EYS: variants seen among roughly 807,000 people sequenced by gnomAD.
The protein encoded by EYS is protein eyes shut homolog.
EYS carries 250 observed loss-of-function variants against 282.1 expected under a neutral mutation model. The ratio of observed to expected loss-of-function variants is 0.89; its 90% CI spans 0.80 to 0.98. EYS has a LOEUF of 0.98. EYS is among the 50% of genes least tolerant of loss of function. EYS has a pLI of 0.00. For missense variants in EYS, 4,016 were observed against 3,709.0 expected, an observed-to-expected ratio of 1.08 and a Z score of -2.15; for synonymous variants, 1,355 against 1,282.9, an observed-to-expected ratio of 1.06 and a Z score of -1.20.
chr6:64,827,729 A>C (rs1308698196), intron 19 of EYS, among the ~76,000 whole-genome samples: 1 of 151,922 alleles, frequency 6.6e-6, no homozygotes, highest in East Asian at 1.9e-4. Context: ...GAGTTTTGTA[A>C]ACGTTTCTTA....
intron 31 of EYS, among the ~76,000 whole-genome samples, chr6:64,223,379 A>G (rs1424176824): frequency 6.6e-6 from 1 of 152,070 alleles, no homozygotes; most frequent in Non-Finnish European, 1.5e-5. Flanking sequence ...CCTAGAGTAA[A>G]ATGCGTATCC....
At chr6:64,455,594 C>A (rs1313753257) in intron 26 of EYS, among the ~76,000 whole-genome samples, 2 of 151,994 alleles carry the variant, frequency 1.3e-5, no homozygotes, top group Admixed American at 6.6e-5. Flanking sequence ...CTAATGCACT[C>A]CCTCCCCATG....
At chr6:65,275,601 C>A (rs6455033) in intron 12 of EYS, among the ~76,000 whole-genome samples, 36 of 152,236 alleles carry the variant, frequency 2.4e-4, no homozygotes, top group Middle Eastern at 6.8e-3. Context: ...TTGTTCCCTG[C>A]GCTTGGAAGA....
intron 12 of EYS, among the ~76,000 whole-genome samples, chr6:65,223,968 T>TAAG (rs1251452038): frequency 3.3e-5 from 5 of 152,160 alleles, no homozygotes; most frequent in Admixed American, 2.6e-4. Context: ...TAAGGTAACT[T>TAAG]GTACACGAGT....
chr6:65,624,330 T>G (rs904091877), intron 2 of EYS, among the ~76,000 whole-genome samples: 2 of 152,174 alleles, frequency 1.3e-5, no homozygotes, highest in Non-Finnish European at 2.9e-5. Context: ...CCTATGAATA[T>G]GTCAGCTTAC....
intron 31 of EYS, among the ~76,000 whole-genome samples, chr6:64,125,916 CTT>C (rs111945672): frequency 0.016 from 2,266 of 140,674 alleles, 44 homozygotes; most frequent in African/African-American, 0.046. Context: ...CTATTCTCTT[CTT>C]TTTTTTTTTT....
rs1201928978 is a variant in EYS, at chr6:64,722,695, A to T, written c.3443+90683T>A. ...CATTTCATTAACACTGTTTCTTAAAATAATCCTAGAAAACAAGGTCTCTTT... is the reference window on the plus strand; with the variant it reads ...CATTTCATTAACACTGTTTCTTAAATTAATCCTAGAAAACAAGGTCTCTTT... On this transcript the variant is annotated intron_variant, in intron 22 of 42. Coordinates refer to ENST00000503581, the MANE Select transcript of EYS (RefSeq NM_001142800.2). Among the ~76,000 whole-genome samples the T allele has an allele frequency of 2.6e-5, 4 of 152,182 alleles. No homozygotes were observed. In the East Asian group the frequency reaches 7.7e-4, roughly 29 times the overall value.
intron 2 of EYS, among the ~76,000 whole-genome samples, chr6:65,521,298 G>A (rs1767362726): frequency 1.3e-5 from 2 of 151,990 alleles, no homozygotes; most frequent in South Asian, 4.2e-4. Context: ...AAGAAATCTT[G>A]GTGTGTTTGC....
intron 12 of EYS, among the ~76,000 whole-genome samples, chr6:65,170,278 T>C (rs1235331318): frequency 1.3e-5 from 2 of 151,302 alleles, no homozygotes; most frequent in African/African-American, 4.8e-5. Flanking sequence ...ACCCATTGAA[T>C]GATAGAAAAG....
chr6:64,201,163 C>A (rs150199220), intron 31 of EYS, among the ~76,000 whole-genome samples: 17 of 152,200 alleles, frequency 1.1e-4, no homozygotes, highest in African/African-American at 4.1e-4. Context: ...ACAGAATTAT[C>A]CATTCAAGTA....
chr6:64,225,209 G>A (rs13194694), intron 31 of EYS, among the ~76,000 whole-genome samples: 1 of 152,054 alleles, frequency 6.6e-6, no homozygotes, highest in Non-Finnish European at 1.5e-5. Flanking sequence ...ATGAACACTA[G>A]ATATCCACTC....
At chr6:65,398,653 C>T (rs1381891278) in intron 7 of EYS, among the ~76,000 whole-genome samples, 5 of 152,012 alleles carry the variant, frequency 3.3e-5, no homozygotes, top group African/African-American at 4.8e-5. Flanking sequence ...TTCTGCACAG[C>T]AAGTTTCCTG....
intron 26 of EYS, among the ~76,000 whole-genome samples, chr6:64,519,299 G>T (rs1777658360): frequency 6.6e-6 from 1 of 151,772 alleles, no homozygotes; most frequent in African/African-American, 2.4e-5. Context: ...CATGAGTGGT[G>T]CTGGGAGTTT....
chr6:63,927,647 C>G (rs1012216027), intron 35 of EYS, among the ~76,000 whole-genome samples: 1 of 152,178 alleles, frequency 6.6e-6, no homozygotes, highest in Non-Finnish European at 1.5e-5. Flanking sequence ...CTCAGTAACT[C>G]CTTAACTTTA....
At chr6:65,413,922 G>A (rs536944361) in intron 5 of EYS, among the ~76,000 whole-genome samples, 1 of 151,924 alleles carries the variant, frequency 6.6e-6, no homozygotes, top group Admixed American at 6.6e-5. Flanking sequence ...TTTCAGTTCA[G>A]ATAATGTTCT....
chr6:65,641,661 C>T (rs1287675681), intron 1 of EYS, among the ~76,000 whole-genome samples: 3 of 152,316 alleles, frequency 2.0e-5, no homozygotes, highest in South Asian at 4.1e-4. Context: ...TTACTGCACT[C>T]TTTTTAAGAA....
intron 1 of EYS, among the ~76,000 whole-genome samples, chr6:65,698,762 TA>T (rs1252494786): frequency 1.3e-5 from 2 of 152,196 alleles, no homozygotes; most frequent in Admixed American, 6.5e-5. Flanking sequence ...CTTTCCTTAC[TA>T]AAATTCTACA....
At chr6:64,331,387 CAGAA>C (rs1175210256) in intron 29 of EYS, among the ~76,000 whole-genome samples, 4 of 152,116 alleles carry the variant, frequency 2.6e-5, no homozygotes, top group Non-Finnish European at 5.9e-5. Flanking sequence ...CTAGAGGAAA[CAGAA>C]AGGCGACAGA....
chr6:64,530,986 A>G (rs1177545814), intron 26 of EYS, among the ~76,000 whole-genome samples: 1 of 152,116 alleles, frequency 6.6e-6, no homozygotes, highest in African/African-American at 2.4e-5. Flanking sequence ...CTAACCTTTG[A>G]TATGCCGGTA....
Sources: allele counts gnomAD v4.1 joint callset (sites outside exome capture counted in the v4.1 genomes callset), GRCh38; gene constraint gnomAD v4.1.1; transcripts MANE v1.5; gene names NCBI Gene and HGNC (gene_info 2026-07-23, HGNC 2026-07-21).